Variants in CHRNA7 observed in about 807,000 individuals in gnomAD.
CHRNA7 encodes the protein neuronal acetylcholine receptor subunit alpha-7.
Under a neutral mutation model 48.0 loss-of-function variants are expected in CHRNA7, and 17 were observed. That is an observed-to-expected ratio of 0.35 (90% CI 0.24 to 0.53). CHRNA7 has a LOEUF of 0.53. Among genes scored for constraint, CHRNA7 ranks in the 20% least tolerant of loss-of-function variants. The probability of loss-of-function intolerance (pLI) is 0.92; values close to 1 mark genes in which losing one functional copy is unlikely to be tolerated. For missense variants in CHRNA7, 155 were observed against 577.7 expected (o/e 0.27, Z 7.50); for synonymous variants, 75 against 242.3 (o/e 0.31, Z 6.41).
At chr15:32,140,086 C>T (rs1417584342) in intron 4 of CHRNA7, among the ~76,000 whole-genome samples, 3 of 150,470 alleles carry the variant, frequency 2.0e-5, no homozygotes, top group Non-Finnish European at 3.0e-5. Context: ...CCCCACCCCC[C>T]GAGAGGCCCC....
chr15:32,136,445 A>G (rs2051258716), intron 4 of CHRNA7, among the ~76,000 whole-genome samples: 1 of 150,592 alleles, frequency 6.6e-6, no homozygotes, highest in Non-Finnish European at 1.5e-5. Flanking sequence ...GAGCTGAGAT[A>G]GCACCACTGC....
chr15:32,131,380 A>G (rs1178801492), intron 4 of CHRNA7, among the ~76,000 whole-genome samples: 1 of 149,676 alleles, frequency 6.7e-6, no homozygotes, highest in Non-Finnish European at 1.5e-5. Context: ...TTTTTGGTCT[A>G]TTTTACCTTT....
At chr15:32,034,011 C>T (rs1277933441) in intron 2 of CHRNA7, among the ~76,000 whole-genome samples, 2 of 152,156 alleles carry the variant, frequency 1.3e-5, no homozygotes, top group Admixed American at 6.5e-5. Flanking sequence ...TGAGAATTAA[C>T]AGAAAGATGA....
chr15:32,152,060 A>G (rs2051641070), intron 4 of CHRNA7, among the ~76,000 whole-genome samples: 1 of 152,130 alleles, frequency 6.6e-6, no homozygotes, highest in Admixed American at 6.5e-5. Context: ...TTTTAAGGGT[A>G]CCCAGGGTTG....
chr15:32,060,588 A>T (rs1347341998), intron 2 of CHRNA7, among the ~76,000 whole-genome samples: 1 of 152,226 alleles, frequency 6.6e-6, no homozygotes, highest in Non-Finnish European at 1.5e-5. Flanking sequence ...AACAGGCAAC[A>T]TATTATGACA....
chr15:32,063,396 T>C (rs2049911621), intron 2 of CHRNA7, among the ~76,000 whole-genome samples: 1 of 152,220 alleles, frequency 6.6e-6, no homozygotes. Flanking sequence ...CTTGTGATTA[T>C]TGTTTTATTA....
At chr15:32,041,265 A>G (rs1485727663) in intron 2 of CHRNA7, among the ~76,000 whole-genome samples, 2 of 152,192 alleles carry the variant, frequency 1.3e-5, no homozygotes, top group East Asian at 3.8e-4. Context: ...CTACTTCAAC[A>G]GTCCCCAACC....
At position 32,142,432 on chromosome 15, in the gene CHRNA7, A is replaced by C. The variant is rs142505260; in HGVS notation, c.351-11475A>C. On this transcript the variant is annotated intron_variant, in intron 4 of 9. Coordinates refer to ENST00000306901, the MANE Select transcript of CHRNA7 (RefSeq NM_000746.6). The stretch of plus-strand genomic sequence containing the variant: ...TTTGGTATCAGGATGATGCTGGCCT[A>C]ATAAAATGAGTTAGGGAGGATTCCC... 4.7e-3 allele frequency among the ~76,000 whole-genome samples: 717 copies of C among 152,276 alleles called. 5 individuals carry two copies. Among genetic ancestry groups the C allele is most frequent in the African/African-American group, 0.016 (673 of 41,558 alleles).
chr15:32,118,185 G>C (rs1482278124), intron 4 of CHRNA7, among the ~76,000 whole-genome samples: 1 of 152,180 alleles, frequency 6.6e-6, no homozygotes, highest in Non-Finnish European at 1.5e-5. Context: ...CCCATGCGAT[G>C]CCTGGTACCA....
chr15:32,052,743 A>T (rs2049713638), intron 2 of CHRNA7, among the ~76,000 whole-genome samples: 1 of 152,206 alleles, frequency 6.6e-6, no homozygotes, highest in South Asian at 2.1e-4. Flanking sequence ...AAATAAATAA[A>T]TACAATTAAA....
chr15:32,139,168 G>A (rs1595491376), intron 4 of CHRNA7, among the ~76,000 whole-genome samples: 2 of 152,240 alleles, frequency 1.3e-5, no homozygotes, highest in African/African-American at 4.8e-5. Flanking sequence ...ATGCATTTAA[G>A]GTTCCTCCAT....
At chr15:32,093,538 G>A (rs2050416681) in intron 2 of CHRNA7, among the ~76,000 whole-genome samples, 1 of 152,146 alleles carries the variant, frequency 6.6e-6, no homozygotes, top group East Asian at 1.9e-4. Flanking sequence ...GAACACCTTG[G>A]TCTGCCTTGC....
chr15:32,097,708 CG>C (rs1202167617), intron 2 of CHRNA7, among the ~76,000 whole-genome samples: 5 of 152,342 alleles, frequency 3.3e-5, no homozygotes, highest in African/African-American at 1.2e-4. Context: ...TACTGTTCTT[CG>C]GGAGACTAAA....
intron 4 of CHRNA7, among the ~76,000 whole-genome samples, chr15:32,124,148 A>C (rs1374418512): frequency 1.3e-5 from 2 of 152,202 alleles, no homozygotes; most frequent in Non-Finnish European, 2.9e-5. Flanking sequence ...TATATACAGA[A>C]GGTAGATTTT....
intron 2 of CHRNA7, among the ~76,000 whole-genome samples, chr15:32,092,977 G>T (rs1338626541): frequency 6.6e-6 from 1 of 152,246 alleles, no homozygotes; most frequent in Non-Finnish European, 1.5e-5. Flanking sequence ...CAAGGCATTT[G>T]TGGGAGTCTG....
At chr15:32,143,098 C>G (rs547603337) in intron 4 of CHRNA7, among the ~76,000 whole-genome samples, 1 of 152,294 alleles carries the variant, frequency 6.6e-6, no homozygotes, top group East Asian at 1.9e-4. Flanking sequence ...GAATGTGTCC[C>G]AGAGATTCTG....
intron 2 of CHRNA7, among the ~76,000 whole-genome samples, chr15:32,037,241 T>G (rs1902136335): frequency 6.6e-6 from 1 of 152,194 alleles, no homozygotes; most frequent in Non-Finnish European, 1.5e-5. Context: ...GCTGATTATA[T>G]TCATGTGAGT....
At position 32,110,059 on chromosome 15, in the gene CHRNA7, T is replaced by C. The variant is rs76377629; in HGVS notation, c.241-1731T>C. ...ACTTTCCAGGGCAGTTCGTGGAATC[T>C]TGGGGCCCTGACCTGTGTGGTAATA... On this transcript the variant is annotated intron_variant, in intron 3 of 9. Transcript: ENST00000306901. Among the ~76,000 whole-genome samples the C allele has an allele frequency of 3.9e-5, 6 of 152,178 alleles. No individual in the cohort carries two copies. The East Asian group carries it at 1.2e-3, about 29-fold the overall frequency.
At chr15:32,114,374 G>A (rs1292773526) in intron 4 of CHRNA7, among the ~76,000 whole-genome samples, 1 of 152,016 alleles carries the variant, frequency 6.6e-6, no homozygotes, top group African/African-American at 2.4e-5. Flanking sequence ...TGTTACCAGG[G>A]TCCAGGCCCT....
Sources: allele counts gnomAD v4.1 joint callset (sites outside exome capture counted in the v4.1 genomes callset), GRCh38; gene constraint gnomAD v4.1.1; transcripts MANE v1.5; gene names NCBI Gene and HGNC (gene_info 2026-07-23, HGNC 2026-07-21).